RSU1: variants seen among roughly 807,000 people sequenced by gnomAD.
RSU1 encodes the protein Ras suppressor protein 1, also known as rsu-1.
In RSU1, 26 loss-of-function variants were observed where a neutral mutation model predicts 31.1. The ratio of observed to expected loss-of-function variants is 0.84; its 90% CI spans 0.61 to 1.16. The LOEUF (loss-of-function observed/expected upper bound fraction) is 1.16. Ranked by LOEUF, RSU1 falls within the 50% of genes most tolerant of loss-of-function variation. The pLI is 0.00. For synonymous variants in RSU1, 164 were observed against 136.3 expected, an observed-to-expected ratio of 1.20 and a Z score of -1.41; for missense variants, 320 against 339.1, an observed-to-expected ratio of 0.94 and a Z score of 0.44.
intron 8 of RSU1, among the ~76,000 whole-genome samples, chr10:16,686,305 T>C (rs1421268674): frequency 1.3e-5 from 2 of 152,110 alleles, no homozygotes; most frequent in African/African-American, 2.4e-5. Context: ...AAACAGCAAA[T>C]GCAGGCAATA....
chr10:16,739,773 G>A (rs547082646), intron 7 of RSU1, among the ~76,000 whole-genome samples: 10 of 152,078 alleles, frequency 6.6e-5, no homozygotes, highest in South Asian at 2.1e-4. Flanking sequence ...CACCACACTC[G>A]GCTAATTTTG....
At chr10:16,622,000 G>C (rs1186080156) in intron 8 of RSU1, among the ~76,000 whole-genome samples, 1 of 152,116 alleles carries the variant, frequency 6.6e-6, no homozygotes, top group African/African-American at 2.4e-5. Context: ...CAGGTGCCTT[G>C]CTTGAGGGAA....
At chr10:16,752,515 A>G (rs1327732683) in intron 7 of RSU1, 24 bp downstream of exon 7, 1 of 1,535,012 alleles carries the variant, frequency 6.5e-7, no homozygotes, top group African/African-American at 1.4e-5. Context: ...ACCCAGAACT[A>G]AGTTCATTCA....
chr10:16,600,054 T>TG (rs11420983), intron 8 of RSU1, among the ~76,000 whole-genome samples: 6,700 of 151,846 alleles, frequency 0.044, 492 homozygotes, highest in African/African-American at 0.15. Context: ...GATTAAGAAG[T>TG]GGGAAAAAAA....
rs944839915 is a variant in RSU1 at position 16,592,529 on chromosome 10, T to C, written c.*865A>G. The stretch of plus-strand genomic sequence containing the variant: ...GAAGTCGCTTAGAAGAATGCTTCGA[T>C]GCGAGCAGATTTTCCGCCGTGACAA... On this transcript the variant is annotated 3_prime_UTR_variant, in exon 9 of 9. Transcript: ENST00000345264. 1 of 152,226 alleles carries C rather than the reference T, an allele frequency of 6.6e-6. No homozygotes were observed. The highest frequency in any genetic ancestry group is 1.5e-5 in the Non-Finnish European group (1 of 68,048). 9.4% of individuals were successfully genotyped at this position (152,226 alleles called of 1,614,324 possible).
chr10:16,671,133 C>T (rs569849152), intron 8 of RSU1, among the ~76,000 whole-genome samples: 2 of 152,302 alleles, frequency 1.3e-5, no homozygotes, highest in East Asian at 1.9e-4. Flanking sequence ...TTTACACCTA[C>T]TCCTATGTTC....
intron 4 of RSU1, among the ~76,000 whole-genome samples, chr10:16,762,910 C>A (rs1564348460): frequency 6.6e-6 from 1 of 151,436 alleles, no homozygotes; most frequent in African/African-American, 2.4e-5. Flanking sequence ...CTACTCGGGA[C>A]GCTGAGGGAG....
chr10:16,654,088 T>C (rs1834730561), intron 8 of RSU1, among the ~76,000 whole-genome samples: 1 of 151,916 alleles, frequency 6.6e-6, no homozygotes, highest in Non-Finnish European at 1.5e-5. Context: ...CTGCAACCTC[T>C]GCCTCCCGGG....
intron 7 of RSU1, among the ~76,000 whole-genome samples, chr10:16,739,466 C>CTTTTTTT (rs35664560): frequency 7.4e-5 from 7 of 94,246 alleles, no homozygotes; most frequent in African/African-American, 1.3e-4. Context: ...CATTTTCTTC[C>CTTTTTTT]TTTTTTTTTT....
intron 8 of RSU1, among the ~76,000 whole-genome samples, chr10:16,637,457 ATTTT>A (rs200592205): frequency 7.1e-6 from 1 of 141,660 alleles, no homozygotes; most frequent in Non-Finnish European, 1.6e-5. Flanking sequence ...TTTCCTAAGG[ATTTT>A]TTTTTTTTTT....
chr10:16,750,190 C>CT (rs1836947208), intron 7 of RSU1, among the ~76,000 whole-genome samples: 1 of 152,068 alleles, frequency 6.6e-6, no homozygotes, highest in Non-Finnish European at 1.5e-5. Flanking sequence ...CTAATCTTGA[C>CT]TTTTTAAAAA....
intron 8 of RSU1, among the ~76,000 whole-genome samples, chr10:16,680,049 T>C (rs1324729531): frequency 6.6e-6 from 1 of 151,928 alleles, no homozygotes; most frequent in Non-Finnish European, 1.5e-5. Context: ...GCCTGGCTAA[T>C]TTTTGTATTT....
chr10:16,672,084 G>T (rs1835115653), intron 8 of RSU1, among the ~76,000 whole-genome samples: 1 of 149,750 alleles, frequency 6.7e-6, no homozygotes, highest in African/African-American at 2.5e-5. Flanking sequence ...GGATCATGAG[G>T]TCAGGAGACT....
At chr10:16,777,297 A>G (rs1175811241) in intron 3 of RSU1, among the ~76,000 whole-genome samples, 2 of 152,236 alleles carry the variant, frequency 1.3e-5, no homozygotes, top group Admixed American at 6.5e-5. Flanking sequence ...CCAATACAAA[A>G]TACTATGGAA....
chr10:16,687,975 G>A (rs1588715666), intron 8 of RSU1, among the ~76,000 whole-genome samples: 1 of 151,894 alleles, frequency 6.6e-6, no homozygotes, highest in Admixed American at 6.6e-5. Context: ...CTCCTGCCTC[G>A]CCTTCCCAAA....
chr10:16,708,758 G>A (rs1200379766), intron 7 of RSU1, among the ~76,000 whole-genome samples: 1 of 150,654 alleles, frequency 6.6e-6, no homozygotes, highest in Non-Finnish European at 1.5e-5. Context: ...AATTTCTTTT[G>A]TTAAAGTTTT....
chr10:16,737,201 C>T (rs12098817), intron 7 of RSU1, among the ~76,000 whole-genome samples: 1 of 151,650 alleles, frequency 6.6e-6, no homozygotes. Context: ...TACTAACCTA[C>T]CAACCAATCA....
At chr10:16,695,384 G>T (rs935914860) in intron 7 of RSU1, among the ~76,000 whole-genome samples, 1 of 152,164 alleles carries the variant, frequency 6.6e-6, no homozygotes, top group Non-Finnish European at 1.5e-5. Context: ...AAGACAGATG[G>T]AAAAGGAAAG....
chr10:16,765,695 T>C (rs1480641823), intron 3 of RSU1, among the ~76,000 whole-genome samples: 1 of 152,218 alleles, frequency 6.6e-6, no homozygotes, highest in Non-Finnish European at 1.5e-5. Context: ...ACGTAAACTC[T>C]GATACCAAGA....
Sources: allele counts gnomAD v4.1 joint callset (sites outside exome capture counted in the v4.1 genomes callset), GRCh38; gene constraint gnomAD v4.1.1; transcripts MANE v1.5; gene names NCBI Gene and HGNC (gene_info 2026-07-23, HGNC 2026-07-21).